The following DCAF8L2 variants were observed in gnomAD, a reference collection of about 807,000 sequenced individuals.
DCAF8L2 encodes the protein DDB1- and CUL4-associated factor 8-like protein 2.
For missense variants in DCAF8L2, 430 were observed against 490.7 expected, an observed-to-expected ratio of 0.88 and a Z score of 1.17; for synonymous variants, 200 against 190.9, an observed-to-expected ratio of 1.05 and a Z score of -0.39.
At chrX:27,646,744 A>G (rs929025201) in intron 2 of DCAF8L2, among the ~76,000 whole-genome samples, 2 of 110,973 alleles carry the variant, frequency 1.8e-5, no homozygotes, top group African/African-American at 6.5e-5. Flanking sequence ...AAAAAGTGGG[A>G]AAAGAATATG....
Position 27,673,340 on chromosome X carries a change from TC to T in DCAF8L2, c.-219-4495del, listed in dbSNP as rs1428326750. ...TTGGCCAACACGGCGAAACCCCATC[TC>T]TACTAAAAATACAAAAATTAGCCGG... On this transcript the variant is annotated intron_variant, in intron 2 of 4. Coordinates refer to ENST00000451261, the MANE Select transcript of DCAF8L2 (RefSeq NM_001353450.2). Among the ~76,000 whole-genome samples the T allele has an allele frequency of 5.6e-5, 6 of 107,471 alleles. No individual in the cohort carries two copies. The South Asian group carries it at 2.1e-3, about 37-fold the overall frequency. 93.3% of individuals were successfully genotyped at this position (107,471 alleles called of 115,157 possible). A position where few individuals can be genotyped will look rare whatever the true frequency, so the allele number is the denominator to read the frequency against.
At chrX:27,582,253 T>C in the DCAF8L2 span, among the ~76,000 whole-genome samples, 1 of 111,990 alleles carries the variant, frequency 8.9e-6, no homozygotes, top group South Asian at 3.7e-4. Flanking sequence ...AAAGTTAACA[T>C]TTTACATAAT....
intron 3 of DCAF8L2, among the ~76,000 whole-genome samples, chrX:27,712,251 T>G (rs1931557767): frequency 9.0e-6 from 1 of 111,521 alleles, no homozygotes; most frequent in African/African-American, 3.3e-5. Flanking sequence ...TGAAGTGGGG[T>G]CTAAGTTTCC....
At position 27,689,465 on chromosome X, in the gene DCAF8L2, G is replaced by A. The variant is rs747626582; in HGVS notation, c.-143+11553G>A. ...TCATCATGTTGGTCAGGCTGGTCTC[G>A]AACTCCTGACCTCAGGTGATCCACC... On this transcript the variant is annotated intron_variant, in intron 3 of 4. Coordinates refer to ENST00000451261, the MANE Select transcript of DCAF8L2 (RefSeq NM_001353450.2). Among the ~76,000 whole-genome samples, 4 of 112,243 alleles carry A rather than the reference G, an allele frequency of 3.6e-5. No individual in the cohort carries two copies. In the East Asian group the frequency reaches 8.4e-4, roughly 24 times the overall value.
At chrX:27,479,215 C>T in the DCAF8L2 span, among the ~76,000 whole-genome samples, 1 of 110,913 alleles carries the variant, frequency 9.0e-6, no homozygotes, top group Non-Finnish European at 1.9e-5. Flanking sequence ...AAGAAACAGG[C>T]CCTCAGTCAA....
the DCAF8L2 span, among the ~76,000 whole-genome samples, chrX:27,569,204 C>A: frequency 9.0e-6 from 1 of 110,969 alleles, no homozygotes; most frequent in African/African-American, 3.3e-5. Flanking sequence ...CTCTTACCAC[C>A]ACCAACCCCA....
chrX:27,513,334 A>G, the DCAF8L2 span, among the ~76,000 whole-genome samples: 5 of 112,081 alleles, frequency 4.5e-5, no homozygotes, highest in African/African-American at 1.3e-4. Flanking sequence ...AAGTATTTGT[A>G]AACTATGTAT....
chrX:27,497,777 C>T, the DCAF8L2 span, among the ~76,000 whole-genome samples: 3 of 110,993 alleles, frequency 2.7e-5, no homozygotes, highest in Non-Finnish European at 3.8e-5. Context: ...CCATATTGGC[C>T]AGGCTGGCCT....
upstream of DCAF8L2, among the ~76,000 whole-genome samples, chrX:27,587,798 T>C (rs1181698499): frequency 9.1e-6 from 1 of 109,591 alleles, no homozygotes; most frequent in Non-Finnish European, 1.9e-5. Context: ...ACCCACACAA[T>C]GTGTTACTAA....
chrX:27,748,163 C>A lies in DCAF8L2; in HGVS notation c.1268C>A (p.Thr423Lys). The change falls in exon 5 of 5, where the codon ACA (threonine) becomes AAA (lysine). Residue 423 changes from threonine (T) to lysine (K), a missense_variant. Physicochemically the swap from Thr to Lys is moderately conservative, Grantham distance 78 (BLOSUM62 -1). Coordinates refer to ENST00000451261, the MANE Select transcript of DCAF8L2 (RefSeq NM_001353450.2). ...CATCTGGTTAATTGTGATTTCCCAA[C>A]AAACATCACCTGCGTTGTGTACAGC... ...PHHLVNCDFP[T>K]NITCVVYSHD... 8.3e-7 allele frequency: 1 copy of A among 1,212,001 alleles called. No homozygotes were observed. The highest frequency in any genetic ancestry group is 3.0e-5 in the East Asian group (1 of 33,865).
intron 2 of DCAF8L2, among the ~76,000 whole-genome samples, chrX:27,645,719 C>G (rs776275304): frequency 1.8e-5 from 2 of 111,461 alleles, no homozygotes; most frequent in Non-Finnish European, 3.8e-5. Flanking sequence ...TCAGCAAAAT[C>G]TCAGGATACA....
the DCAF8L2 span, among the ~76,000 whole-genome samples, chrX:27,507,846 C>A: frequency 9.0e-6 from 1 of 111,173 alleles, no homozygotes; most frequent in Non-Finnish European, 1.9e-5. Context: ...AATATAGTGT[C>A]TATACTGACA....
chrX:27,549,278 T>G, the DCAF8L2 span, among the ~76,000 whole-genome samples: 1 of 111,678 alleles, frequency 9.0e-6, no homozygotes, highest in Non-Finnish European at 1.9e-5. Flanking sequence ...TTCCAATGCA[T>G]AAGACACATG....
the DCAF8L2 span, among the ~76,000 whole-genome samples, chrX:27,525,850 T>G: frequency 8.9e-6 from 1 of 112,084 alleles, no homozygotes; most frequent in Non-Finnish European, 1.9e-5. Context: ...TGTTGAATAT[T>G]GGCCCCCACT....
At chrX:27,636,067 G>A (rs916739472) in intron 2 of DCAF8L2, among the ~76,000 whole-genome samples, 11 of 110,965 alleles carry the variant, frequency 9.9e-5, no homozygotes, top group African/African-American at 3.6e-4. Context: ...CCCGCCAACC[G>A]TGGCCTCCGA....
chrX:27,494,967 G>GT, the DCAF8L2 span, among the ~76,000 whole-genome samples: 18 of 111,381 alleles, frequency 1.6e-4, no homozygotes, highest in Non-Finnish European at 2.6e-4. Flanking sequence ...TTAGTGTTTT[G>GT]TAAGAAATCA....
the DCAF8L2 span, among the ~76,000 whole-genome samples, chrX:27,579,615 TACACACACACACACACACACACAC>T: frequency 3.4e-5 from 3 of 87,940 alleles, no homozygotes; most frequent in African/African-American, 1.3e-4. Context: ...TTCAGAGAAA[TACACACACACACACACACACACAC>T]ACACACACAC....
chrX:27,514,073 T>C, the DCAF8L2 span, among the ~76,000 whole-genome samples: 33 of 110,688 alleles, frequency 3.0e-4, no homozygotes, highest in African/African-American at 1.1e-3. Flanking sequence ...GTTGCAGCAC[T>C]ATTCACAATA....
chrX:27,488,851 G>A, the DCAF8L2 span, among the ~76,000 whole-genome samples: 1 of 108,401 alleles, frequency 9.2e-6, no homozygotes, highest in African/African-American at 3.4e-5. Flanking sequence ...GTTTTTAGTA[G>A]ATATAAGGTC....
Sources: allele counts gnomAD v4.1 joint callset (sites outside exome capture counted in the v4.1 genomes callset), GRCh38; gene constraint gnomAD v4.1.1; transcripts MANE v1.5; gene names NCBI Gene and HGNC (gene_info 2026-07-23, HGNC 2026-07-21).